Variants in COL16A1 observed in about 807,000 individuals in gnomAD.
The protein encoded by COL16A1 is collagen type XVI alpha 1 chain, also known as collagen alpha-1(XVI) chain.
COL16A1 carries 189 observed loss-of-function variants against 266.3 expected under a neutral mutation model. That is an observed-to-expected ratio of 0.71 (90% CI 0.63 to 0.80). The LOEUF is 0.80. Among genes scored for constraint, COL16A1 ranks in the 30% least tolerant of loss-of-function variants. The probability of loss-of-function intolerance (pLI) is 0.00; values close to 1 mark genes in which losing one functional copy is unlikely to be tolerated. For synonymous variants in COL16A1, 740 were observed against 782.3 expected, an observed-to-expected ratio of 0.95 and a Z score of 0.90; for missense variants, 1,928 against 2,122.4, an observed-to-expected ratio of 0.91 and a Z score of 1.80.
At chr1:31,653,334 G>A (rs191172548) in intron 70 of COL16A1, 3 of 395,296 alleles carry the variant, frequency 7.6e-6, no homozygotes, top group East Asian at 4.4e-5. Context: ...ACTTGAACTC[G>A]AGTTCCTCAT....
Position 31,681,087 on chromosome 1 carries a change from A to G in COL16A1, c.2539-20T>C. The G allele has an allele frequency of 6.2e-7, 1 of 1,606,702 alleles. No homozygotes were observed. The highest frequency in any genetic ancestry group is 8.5e-7 in the Non-Finnish European group (1 of 1,177,210). On this transcript the variant is annotated intron_variant, in intron 37 of 70. Coordinates refer to ENST00000373672, the MANE Select transcript of COL16A1 (RefSeq NM_001856.4). ...ACGGCCCTGAAGAGAGAGAGCCCAG[A>G]GTCAGAGGGTGAGACTGGGCAGCGG...
intron 23 of COL16A1, chr1:31,689,294 G>A: frequency 1.3e-6 from 1 of 777,616 alleles, no homozygotes; most frequent in Non-Finnish European, 2.0e-6. Flanking sequence ...GCCAGGTTAA[G>A]CTAACCCAGT....
chr1:31,661,249 C>G, intron 60 of COL16A1, 130 bp from the exon 61 acceptor site: 1 of 1,478,718 alleles, frequency 6.8e-7, no homozygotes, highest in African/African-American at 1.4e-5. Flanking sequence ...TGCCCTCCAG[C>G]TGGTAGACAG....
intron 42 of COL16A1, among the ~76,000 whole-genome samples, chr1:31,678,713 C>T (rs918047014): frequency 6.6e-6 from 1 of 152,158 alleles, no homozygotes; most frequent in African/African-American, 2.4e-5. Context: ...CCTTCACATG[C>T]ATTAACTTGT....
intron 22 of COL16A1, 73 bp from the exon 23 acceptor site, chr1:31,689,924 C>A: frequency 1.5e-6 from 2 of 1,308,668 alleles, no homozygotes; most frequent in Non-Finnish European, 2.2e-6. Context: ...GCCTCTTGCG[C>A]AGACCAGCCC....
chr1:31,689,851 C>T lies in COL16A1; in HGVS notation c.1510G>A (p.Gly504Ser). The change falls in exon 23 of 71, where the codon GGT becomes AGT. Residue 504 changes from glycine (G) to serine (S), a missense_variant and splice_region_variant. This residue lies in a region of COL16A1 where 1,552 missense variants were observed against 1,637.2 expected (regional missense o/e 0.95). Coordinates refer to ENST00000373672, the MANE Select transcript of COL16A1 (RefSeq NM_001856.4). ...GTTGGGCACACTTCACAGGGGTCAC[C>T]CTAGCAGAAGGGAGAGGCAGTATGT... ...PGKPGVKGEK[G>S]DPCEVCPTLP... 6.2e-7 allele frequency: 1 copy of T among 1,613,750 alleles called. No individual in the cohort carries two copies. Among genetic ancestry groups the T allele is most frequent in the Non-Finnish European group, 8.5e-7 (1 of 1,179,790 alleles).
chr1:31,695,368 G>A, intron 10 of COL16A1, 147 bp from the exon 11 acceptor site: 1 of 788,898 alleles, frequency 1.3e-6, no homozygotes, highest in Admixed American at 2.2e-5. Flanking sequence ...TATAAAACAA[G>A]CCTCACCCCT....
chr1:31,654,973 T>TTC, intron 67 of COL16A1, 115 bp from the exon 68 acceptor site: 2 of 174,860 alleles, frequency 1.1e-5, no homozygotes, highest in Non-Finnish European at 8.4e-6. Flanking sequence ...CACAGATTCT[T>TTC]TTTTTTTTTT....
At chr1:31,700,300 G>A (rs1172855640) in intron 2 of COL16A1, among the ~76,000 whole-genome samples, 185 bp from the exon 3 acceptor site, 4 of 152,198 alleles carry the variant, frequency 2.6e-5, no homozygotes, top group Admixed American at 6.5e-5. Flanking sequence ...CCCCAACCCA[G>A]CATACAGTTT....
intron 20 of COL16A1, 113 bp from the exon 21 acceptor site, chr1:31,690,686 T>G (rs1644224128): frequency 1.3e-6 from 2 of 1,487,170 alleles, no homozygotes; most frequent in Non-Finnish European, 1.8e-6. Context: ...TTGCCAAATC[T>G]CTTGTTGCCA....
rs11449957 is a variant in COL16A1 at position 31,676,324 on chromosome 1, C to CA, written c.2773-1014dup. On this transcript the variant is annotated intron_variant, in intron 42 of 70. Coordinates refer to ENST00000373672, the MANE Select transcript of COL16A1 (RefSeq NM_001856.4). ...TAGGCAACAGAGGGAGACTCCGTCTCAAAAAAAAAAAAAAAAAAGAACCCA... is the reference window on the plus strand; with the variant it reads ...TAGGCAACAGAGGGAGACTCCGTCTCAAAAAAAAAAAAAAAAAAAGAACCCA... 5.0e-3 allele frequency among the ~76,000 whole-genome samples: 504 copies of CA among 100,144 alleles called. 2 individuals carry two copies. The highest frequency in any genetic ancestry group is 0.019 in the Middle Eastern group (4 of 212). 65.7% of individuals were successfully genotyped at this position (100,144 alleles called of 152,430 possible).
rs910689196 is a variant in COL16A1, at chr1:31,658,927, C to A, written c.3917G>T (p.Gly1306Val). The stretch of plus-strand genomic sequence containing the variant: ...CATGTTACTCACCACTGCAGAGATC[C>A]CAGCTGGTCCTGGCTGGCCTGGAGG... ...PGPPGQPGPA[G>V]ISAVGLKGDR... Residue 1306 changes from glycine to valine, a missense_variant, in exon 63 of 71, where the codon GGG becomes GTG. This residue lies in a region of COL16A1 where 376 missense variants were observed against 485.2 expected (regional missense o/e 0.77). Transcript: ENST00000373672. 2 of 1,554,280 alleles carry A rather than the reference C, an allele frequency of 1.3e-6. No individual in the cohort carries two copies. The highest frequency in any genetic ancestry group is 1.7e-6 in the Non-Finnish European group (2 of 1,148,518).
In COL16A1 at chr1:31,685,853, G is replaced by A; in HGVS notation, c.1885-83C>T. ...GGTTTGGAATCTAGGGCTGGGGAAT[G>A]TCACTGGGTCTGACACTGCACCTCT... On this transcript the variant is annotated intron_variant, in intron 28 of 70. Coordinates refer to ENST00000373672, the MANE Select transcript of COL16A1 (RefSeq NM_001856.4). The surrounding 1 kb of genome is among the most constrained non-coding windows in gnomAD (Gnocchi z 4.0). 1 of 1,583,838 alleles carries A rather than the reference G, an allele frequency of 6.3e-7. No homozygotes were observed. Among genetic ancestry groups the A allele is most frequent in the African/African-American group, 1.3e-5 (1 of 74,422 alleles).
intron 8 of COL16A1, among the ~76,000 whole-genome samples, chr1:31,696,646 G>A (rs1644514897): frequency 6.6e-6 from 1 of 152,214 alleles, no homozygotes; most frequent in African/African-American, 2.4e-5. Flanking sequence ...AACTGGCTTT[G>A]AGGGACAAGC....
Position 31,679,737 on chromosome 1 carries a change from C to T in COL16A1, c.2719-52G>A, listed in dbSNP as rs199924741. 9.8e-4 allele frequency: 1,580 copies of T among 1,610,414 alleles called. 1 individual carries two copies. Among genetic ancestry groups the T allele is most frequent in the Non-Finnish European group, 1.3e-3 (1,478 of 1,178,190 alleles). ...CCAGCAGAGAGCTCTGCCCCATGGC[C>T]GAGAGCAGCTGTTTAGGGTGGACAA... On this transcript the variant is annotated intron_variant, in intron 41 of 70. Coordinates refer to ENST00000373672, the MANE Select transcript of COL16A1 (RefSeq NM_001856.4).
At chr1:31,673,034 T>C (rs1214730238) in intron 44 of COL16A1, 194 bp from the exon 45 acceptor site, 2 of 659,212 alleles carry the variant, frequency 3.0e-6, no homozygotes, top group Non-Finnish European at 5.5e-6. Flanking sequence ...TCCCAACAAT[T>C]GGCTTTGAGT....
intron 38 of COL16A1, 39 bp downstream of exon 38, chr1:31,680,984 C>T (rs746536935): frequency 3.2e-5 from 52 of 1,613,754 alleles, no homozygotes; most frequent in South Asian, 2.7e-4. Flanking sequence ...GAGGCAGGGC[C>T]GGCCATGGCT....
At chr1:31,684,403 T>G (rs1332132551) in intron 31 of COL16A1, 120 bp downstream of exon 31, 2 of 1,509,268 alleles carry the variant, frequency 1.3e-6, no homozygotes, top group Admixed American at 2.2e-5. Flanking sequence ...GAGCCTCCGC[T>G]CAGTGACTCT....
At chr1:31,666,419 A>G (rs564214521) in intron 52 of COL16A1, 1 of 307,798 alleles carries the variant, frequency 3.2e-6, no homozygotes, top group East Asian at 7.9e-5. Flanking sequence ...CTTTCCACCA[A>G]CGCTGGTCTT....
Sources: gnomAD v4.1 joint callset for allele counts (sites outside exome capture counted in the v4.1 genomes callset) on GRCh38, gnomAD v4.1.1 for gene constraint, gnomAD v4.1.1 regional missense constraint, Gnocchi (gnomAD v3.1) non-coding constraint, MANE v1.5 for transcripts, NCBI Gene and HGNC (gene_info 2026-07-23, HGNC 2026-07-21) for gene names.